Variants in LARS2 observed in about 807,000 individuals in gnomAD.
The protein encoded by LARS2 is leucyl-tRNA synthetase 2, mitochondrial.
In LARS2, 81 loss-of-function variants were observed where a neutral mutation model predicts 116.6. The ratio of observed to expected loss-of-function variants is 0.69; its 90% CI spans 0.58 to 0.84. The LOEUF (loss-of-function observed/expected upper bound fraction) is 0.84, where lower values mean the gene tolerates loss of function less well. LARS2 is among the 40% of genes least tolerant of loss of function. LARS2 has a pLI of 0.00. For missense variants in LARS2, 968 were observed against 1,114.5 expected (o/e 0.87, Z 1.87); for synonymous variants, 396 against 407.2 (o/e 0.97, Z 0.33).
intron 8 of LARS2, among the ~76,000 whole-genome samples, chr3:45,464,301 G>C (rs1304526760): frequency 6.6e-6 from 1 of 152,202 alleles, no homozygotes. Context: ...CAGCCTCAGA[G>C]AAGCAGTGAG....
At chr3:45,475,915 C>T (rs1391047566) in intron 9 of LARS2, among the ~76,000 whole-genome samples, 1 of 152,234 alleles carries the variant, frequency 6.6e-6, no homozygotes, top group African/African-American at 2.4e-5. Flanking sequence ...ATTTGGCACT[C>T]AGTGGATGGC....
chr3:45,395,331 C>T (rs1698026924), intron 3 of LARS2, among the ~76,000 whole-genome samples: 1 of 152,232 alleles, frequency 6.6e-6, no homozygotes, highest in African/African-American at 2.4e-5. Flanking sequence ...TTGGCTTCTG[C>T]ACCAGGTACA....
intron 7 of LARS2, among the ~76,000 whole-genome samples, chr3:45,448,851 G>C (rs972328380): frequency 2.0e-5 from 3 of 152,164 alleles, no homozygotes; most frequent in Admixed American, 6.5e-5. Context: ...TTCCAGCGTG[G>C]GCTTTATGGC....
At chr3:45,492,184 G>A (rs1369346618) in intron 13 of LARS2, among the ~76,000 whole-genome samples, 1 of 152,232 alleles carries the variant, frequency 6.6e-6, no homozygotes, top group Non-Finnish European at 1.5e-5. Context: ...CCACCTTGCA[G>A]TTTTCCAATA....
chr3:45,492,951 G>A (rs537570088), intron 13 of LARS2, among the ~76,000 whole-genome samples: 41 of 152,234 alleles, frequency 2.7e-4, no homozygotes, highest in African/African-American at 4.8e-4. Context: ...GTTGATAAGC[G>A]CTGACAAAGG....
chr3:45,499,131 T>C (rs1020304170), intron 14 of LARS2, among the ~76,000 whole-genome samples: 6 of 151,906 alleles, frequency 3.9e-5, no homozygotes, highest in African/African-American at 1.5e-4. Context: ...CTCGTCTCCA[T>C]AAAAAATGTT....
chr3:45,400,243 A>G lies in LARS2; in HGVS notation c.235-2A>G, dbSNP rs745720018. ...TAAATACTCATTGTCGTTCTTTCCT[A>G]GAAATCGAAGCCAAAATTTTACGTG... is the stretch of plus-strand genomic sequence containing the variant. On this transcript the variant is annotated splice_acceptor_variant, in intron 3 of 21. Coordinates refer to ENST00000645846, the MANE Select transcript of LARS2 (RefSeq NM_015340.4). LOFTEE classifies it high-confidence loss of function. 1.4e-5 allele frequency: 22 copies of G among 1,612,514 alleles called. No homozygotes were observed. The East Asian group carries it at 2.7e-4, about 20-fold the overall frequency.
rs973686604 is a variant in LARS2 at position 45,517,835 on chromosome 3, A to G, written c.2045-68A>G. ...AATTCACAGGTGTTTTTCTCTGCTTAGTTATACCAAGTCAATCACCCTTAT... is the reference window on the plus strand; with the variant it reads ...AATTCACAGGTGTTTTTCTCTGCTTGGTTATACCAAGTCAATCACCCTTAT... On this transcript the variant is annotated intron_variant, in intron 17 of 21. Transcript: ENST00000645846. 7.0e-6 allele frequency: 9 copies of G among 1,284,490 alleles called. No homozygotes were observed. The East Asian group carries it at 9.5e-5, about 14-fold the overall frequency. The allele number at this position is 1,284,490 out of a possible 1,614,324, so 79.6% of individuals were successfully genotyped here.
At chr3:45,515,957 G>A (rs1407083841) in intron 16 of LARS2, 137 bp from the exon 17 acceptor site, 18 of 618,618 alleles carry the variant, frequency 2.9e-5, no homozygotes, top group South Asian at 2.8e-4. Flanking sequence ...GAGAGAAAGC[G>A]GCTTGTTAAG....
At chr3:45,510,345 C>T (rs1046477222) in intron 15 of LARS2, among the ~76,000 whole-genome samples, 3 of 152,032 alleles carry the variant, frequency 2.0e-5, no homozygotes, top group Admixed American at 1.3e-4. Context: ...GCCCAGGAGA[C>T]TGAGGCTGCA....
chr3:45,490,471 T>G (rs1212599466), intron 12 of LARS2, among the ~76,000 whole-genome samples: 1 of 152,216 alleles, frequency 6.6e-6, no homozygotes, highest in East Asian at 1.9e-4. Flanking sequence ...GAAAAGCCGC[T>G]TTCATCTATG....
At chr3:45,488,217 G>A (rs979987903) in intron 11 of LARS2, among the ~76,000 whole-genome samples, 3 of 152,182 alleles carry the variant, frequency 2.0e-5, no homozygotes, top group African/African-American at 4.8e-5. Flanking sequence ...GCGATCACTT[G>A]AGGTCAGGAG....
chr3:45,507,642 A>G (rs887280764), intron 15 of LARS2, among the ~76,000 whole-genome samples: 13 of 152,140 alleles, frequency 8.5e-5, no homozygotes, highest in Non-Finnish European at 1.5e-4. Flanking sequence ...GTTTAATAAC[A>G]TGGAGAAATT....
intron 3 of LARS2, among the ~76,000 whole-genome samples, chr3:45,395,855 A>C (rs910329658): frequency 6.6e-6 from 1 of 152,238 alleles, no homozygotes. Context: ...AAGTAAAATG[A>C]AATGAAAAAA....
chr3:45,501,574 T>C (rs1700122321), intron 15 of LARS2, among the ~76,000 whole-genome samples: 1 of 152,220 alleles, frequency 6.6e-6, no homozygotes, highest in African/African-American at 2.4e-5. Flanking sequence ...TCAGTTTATG[T>C]ATCATACCAC....
intron 6 of LARS2, among the ~76,000 whole-genome samples, chr3:45,438,207 G>A (rs1176352217): frequency 1.3e-5 from 2 of 152,108 alleles, no homozygotes; most frequent in Admixed American, 6.6e-5. Flanking sequence ...AATATTCACT[G>A]TGCAGTTCCT....
chr3:45,491,652 A>G lies in LARS2; in HGVS notation c.1375A>G (p.Ile459Val), dbSNP rs1386261904. The G allele has an allele frequency of 6.2e-7, 1 of 1,614,096 alleles. No individual in the cohort carries two copies. Among genetic ancestry groups the G allele is most frequent in the African/African-American group, 1.3e-5 (1 of 74,926 alleles). Residue 459 changes from isoleucine (I) to valine (V), a missense_variant, in exon 13 of 22, where the codon ATC becomes GTC. By Grantham distance (29) the Ile-to-Val change is conservative (BLOSUM62 3). Transcript: ENST00000645846. ...ISRQRYWGTP[I>V]PIVHCPVCGP... is the part of the protein sequence containing the mutation. ...ACGGCAGCGGTACTGGGGCACACCA[A>G]TCCCCATTGTCCACTGCCCAGTCTG... is the stretch of plus-strand genomic sequence containing the variant.
intron 4 of LARS2, among the ~76,000 whole-genome samples, chr3:45,402,185 T>C (rs756721352): frequency 1.1e-4 from 17 of 152,188 alleles, no homozygotes; most frequent in Admixed American, 9.8e-4. Context: ...ACCTGCCCCA[T>C]TGGCCTGTTA....
intron 6 of LARS2, among the ~76,000 whole-genome samples, chr3:45,440,119 A>G (rs1023892752): frequency 6.6e-6 from 1 of 152,098 alleles, no homozygotes; most frequent in African/African-American, 2.4e-5. Context: ...CCCTCTTCCA[A>G]CGCCGCAGGT....
Sources: gnomAD v4.1 joint callset for allele counts (sites outside exome capture counted in the v4.1 genomes callset) on GRCh38, gnomAD v4.1.1 for gene constraint, MANE v1.5 for transcripts, NCBI Gene and HGNC (gene_info 2026-07-23, HGNC 2026-07-21) for gene names.